The following KHDRBS2 variants were observed in gnomAD, a reference collection of about 807,000 sequenced individuals.
The protein encoded by KHDRBS2 is KH RNA binding domain containing, signal transduction associated 2, also known as KH domain-containing, RNA-binding, signal transduction-associated protein 2.
A neutral mutation model predicts 44.3 loss-of-function variants in KHDRBS2; 26 were observed. That is an observed-to-expected ratio of 0.59 (90% CI 0.43 to 0.81). KHDRBS2 has a LOEUF of 0.81. KHDRBS2 is among the 40% of genes least tolerant of loss of function. KHDRBS2 has a pLI of 0.00. For synonymous variants in KHDRBS2, 194 were observed against 151.1 expected, an observed-to-expected ratio of 1.28 and a Z score of -2.08; for missense variants, 476 against 433.1, an observed-to-expected ratio of 1.10 and a Z score of -0.88.
At chr6:62,016,949 AT>A (rs1180336014) in intron 3 of KHDRBS2, among the ~76,000 whole-genome samples, 12 of 152,204 alleles carry the variant, frequency 7.9e-5, no homozygotes, top group African/African-American at 1.4e-4. Context: ...CACTAAAAAA[AT>A]ATTCAGCAAA....
intron 6 of KHDRBS2, among the ~76,000 whole-genome samples, chr6:61,848,524 T>C (rs9445496): frequency 0.097 from 5,988 of 61,992 alleles, 686 homozygotes; most frequent in African/African-American, 0.17. Flanking sequence ...TATATGTATA[T>C]ATATATACAT....
At chr6:62,259,826 TAAA>T (rs1301372804) in intron 1 of KHDRBS2, among the ~76,000 whole-genome samples, 2 of 152,004 alleles carry the variant, frequency 1.3e-5, no homozygotes, top group East Asian at 3.9e-4. Context: ...AAAGCACAAA[TAAA>T]AAGTTTTAAT....
the KHDRBS2 span, among the ~76,000 whole-genome samples, chr6:61,673,674 A>G: frequency 7.2e-6 from 1 of 138,710 alleles, no homozygotes. Flanking sequence ...CCCATTCACA[A>G]TTGCTTCAAA....
intron 3 of KHDRBS2, among the ~76,000 whole-genome samples, chr6:62,019,782 A>T (rs1781916490): frequency 6.6e-6 from 1 of 151,986 alleles, no homozygotes; most frequent in Non-Finnish European, 1.5e-5. Flanking sequence ...TGGTAATGTC[A>T]TCTTTCTCAT....
intron 1 of KHDRBS2, among the ~76,000 whole-genome samples, chr6:62,240,110 C>T (rs1213900415): frequency 6.6e-6 from 1 of 152,120 alleles, no homozygotes; most frequent in Non-Finnish European, 1.5e-5. Context: ...TAACATATAA[C>T]ATTAGTATGG....
chr6:62,203,624 T>C (rs1393037783), intron 1 of KHDRBS2, among the ~76,000 whole-genome samples: 1 of 152,070 alleles, frequency 6.6e-6, no homozygotes, highest in Non-Finnish European at 1.5e-5. Flanking sequence ...GAAGCATCCA[T>C]ATGAGGTTAT....
chr6:61,901,237 A>G lies in KHDRBS2; in HGVS notation c.611+7T>C, dbSNP rs1472056785. 1 of 1,607,798 alleles carries G rather than the reference A, an allele frequency of 6.2e-7. No homozygotes were observed. Among genetic ancestry groups the G allele is most frequent in the Non-Finnish European group, 8.5e-7 (1 of 1,178,100 alleles). On this transcript the variant is annotated splice_region_variant and intron_variant, in intron 5 of 8. Transcript: ENST00000281156. ...CCTTAATTTATTTAAAGTAAGAATG[A>G]ATGTACCTTGAAGGAGCTGTGGGAG...
intron 2 of KHDRBS2, among the ~76,000 whole-genome samples, chr6:62,072,059 C>A (rs1168259053): frequency 1.3e-5 from 2 of 151,984 alleles, no homozygotes; most frequent in African/African-American, 4.8e-5. Context: ...TCTTTCACAT[C>A]CCTTGCAAGT....
At chr6:62,161,573 C>G (rs1323649859) in intron 2 of KHDRBS2, among the ~76,000 whole-genome samples, 960 of 33,184 alleles carry the variant, frequency 0.029, 7 homozygotes, top group African/African-American at 0.049. Flanking sequence ...TTGGTATTTG[C>G]GGGGGGGGGG....
At chr6:61,747,275 A>T (rs1216175526) in intron 6 of KHDRBS2, among the ~76,000 whole-genome samples, 1 of 152,156 alleles carries the variant, frequency 6.6e-6, no homozygotes, top group African/African-American at 2.4e-5. Context: ...AATCAGGAAA[A>T]CCAAAACAAA....
chr6:61,873,342 A>C (rs1483316623), intron 6 of KHDRBS2, among the ~76,000 whole-genome samples: 1 of 152,066 alleles, frequency 6.6e-6, no homozygotes, highest in Non-Finnish European at 1.5e-5. Flanking sequence ...AGGCATAGTT[A>C]TGCAAGCATT....
At chr6:61,568,231 T>G in the KHDRBS2 span, among the ~76,000 whole-genome samples, 1 of 152,236 alleles carries the variant, frequency 6.6e-6, no homozygotes, top group South Asian at 2.1e-4. Flanking sequence ...TTTGTTGTTT[T>G]GGGTACTATA....
chr6:62,132,281 T>G (rs992535650), intron 2 of KHDRBS2, among the ~76,000 whole-genome samples: 2 of 152,214 alleles, frequency 1.3e-5, no homozygotes, highest in African/African-American at 4.8e-5. Flanking sequence ...AATGTACACA[T>G]GAAGATGTCA....
At chr6:62,038,099 T>C (rs374058922) in intron 3 of KHDRBS2, among the ~76,000 whole-genome samples, 1 of 152,060 alleles carries the variant, frequency 6.6e-6, no homozygotes, top group South Asian at 2.1e-4. Context: ...AAATGCCTCG[T>C]GATCAGCATC....
intron 7 of KHDRBS2, among the ~76,000 whole-genome samples, chr6:61,698,066 G>A (rs116223762): frequency 0.014 from 2,076 of 152,200 alleles, 30 homozygotes; most frequent in Non-Finnish European, 0.022. Context: ...TCAGGCTGTC[G>A]TTCCACTGCT....
chr6:61,607,653 G>A, the KHDRBS2 span, among the ~76,000 whole-genome samples: 2 of 151,164 alleles, frequency 1.3e-5, no homozygotes, highest in African/African-American at 2.4e-5. Flanking sequence ...TCAAGAAGAT[G>A]TAGAAATTAT....
At chr6:61,799,142 A>G (rs1296475803) in intron 6 of KHDRBS2, among the ~76,000 whole-genome samples, 2 of 152,046 alleles carry the variant, frequency 1.3e-5, no homozygotes, top group Non-Finnish European at 2.9e-5. Flanking sequence ...CTTTGTCCCC[A>G]GGTATCTGTT....
intron 6 of KHDRBS2, among the ~76,000 whole-genome samples, chr6:61,877,009 T>C (rs1799509284): frequency 6.6e-6 from 1 of 152,094 alleles, no homozygotes; most frequent in African/African-American, 2.4e-5. Flanking sequence ...CCTTGCCACC[T>C]GTTTTCATAA....
chr6:62,186,642 T>A (rs1390866113), intron 1 of KHDRBS2, among the ~76,000 whole-genome samples: 2 of 151,934 alleles, frequency 1.3e-5, no homozygotes, highest in African/African-American at 2.4e-5. Context: ...ATGATAAGAA[T>A]AGGGTGTGGT....
Sources: gnomAD v4.1 joint callset for allele counts (sites outside exome capture counted in the v4.1 genomes callset) on GRCh38, gnomAD v4.1.1 for gene constraint, MANE v1.5 for transcripts, NCBI Gene and HGNC (gene_info 2026-07-23, HGNC 2026-07-21) for gene names.